The following RBFOX1 variants were observed in gnomAD, a reference collection of about 807,000 sequenced individuals.
The protein encoded by RBFOX1 is RNA binding protein fox-1 homolog 1.
RBFOX1 carries 8 observed loss-of-function variants against 57.7 expected under a neutral mutation model. The ratio of observed to expected loss-of-function variants is 0.14; its 90% CI spans 0.08 to 0.25. The LOEUF (loss-of-function observed/expected upper bound fraction) is 0.25, where lower values mean the gene tolerates loss of function less well. RBFOX1 is among the 10% of genes least tolerant of loss of function. The pLI is 1.00. For missense variants in RBFOX1, 611 were observed against 548.5 expected (o/e 1.11, Z -1.14); for synonymous variants, 326 against 222.4 (o/e 1.47, Z -4.15).
At chr16:7,194,917 G>A (rs1330572465) in intron 4 of RBFOX1, among the ~76,000 whole-genome samples, 6 of 98,148 alleles carry the variant, frequency 6.1e-5, no homozygotes, top group African/African-American at 2.7e-4. Flanking sequence ...TACAAAATGA[G>A]ACCCTGTTTC....
intron 4 of RBFOX1, among the ~76,000 whole-genome samples, chr16:7,135,929 G>C (rs1056763486): frequency 6.6e-6 from 1 of 152,178 alleles, no homozygotes; most frequent in African/African-American, 2.4e-5. Flanking sequence ...ATTGTCTTTG[G>C]AGTTGCCATT....
At chr16:6,838,650 C>G (rs776204034) in intron 3 of RBFOX1, among the ~76,000 whole-genome samples, 1 of 152,174 alleles carries the variant, frequency 6.6e-6, no homozygotes, top group Non-Finnish European at 1.5e-5. Flanking sequence ...ACTGGTTTGT[C>G]CTAGAATTCT....
intron 2 of RBFOX1, among the ~76,000 whole-genome samples, chr16:6,459,088 C>G (rs1036987070): frequency 6.6e-6 from 1 of 152,238 alleles, no homozygotes; most frequent in Non-Finnish European, 1.5e-5. Context: ...GTAATCCCAG[C>G]ACTTTGGGAG....
chr16:6,590,755 G>C (rs1489123698), intron 2 of RBFOX1, among the ~76,000 whole-genome samples: 1 of 152,204 alleles, frequency 6.6e-6, no homozygotes, highest in Non-Finnish European at 1.5e-5. Flanking sequence ...AGCTGTCCGT[G>C]AAGGGTGTTG....
intron 1 of RBFOX1, among the ~76,000 whole-genome samples, chr16:5,271,554 A>G (rs2063008429): frequency 6.6e-6 from 1 of 152,244 alleles, no homozygotes; most frequent in Admixed American, 6.5e-5. Context: ...CGCAGGTTCA[A>G]GCTTAAGGAG....
chr16:6,435,146 A>G (rs970089154), intron 2 of RBFOX1, among the ~76,000 whole-genome samples: 3 of 152,236 alleles, frequency 2.0e-5, no homozygotes, highest in Admixed American at 1.3e-4. Context: ...TTTGCTTGCC[A>G]TCACTTTTTC....
chr16:6,976,663 GATAT>G (rs1210826162), intron 3 of RBFOX1, among the ~76,000 whole-genome samples: 1 of 148,644 alleles, frequency 6.7e-6, no homozygotes, highest in Non-Finnish European at 1.5e-5. Flanking sequence ...ATATATATAT[GATAT>G]ATATATCATA....
intron 13 of RBFOX1, among the ~76,000 whole-genome samples, chr16:7,674,537 C>G (rs764490160): frequency 6.6e-6 from 1 of 152,168 alleles, no homozygotes; most frequent in South Asian, 2.1e-4. Flanking sequence ...GATCTTAACC[C>G]TGGAATCAGG....
chr16:6,952,994 T>C (rs1012352357), intron 3 of RBFOX1, among the ~76,000 whole-genome samples: 15 of 152,096 alleles, frequency 9.9e-5, no homozygotes, highest in African/African-American at 2.9e-4. Context: ...AAAATTGTCA[T>C]TGTTTGAACT....
At chr16:5,379,419 G>A (rs1218081147) in intron 1 of RBFOX1, among the ~76,000 whole-genome samples, 1 of 147,776 alleles carries the variant, frequency 6.8e-6, no homozygotes, top group Non-Finnish European at 1.5e-5. Context: ...CCTACCTGGG[G>A]TGGAGAGCTG....
intron 3 of RBFOX1, among the ~76,000 whole-genome samples, chr16:5,792,090 G>T (rs4322667): frequency 0.23 from 35,691 of 152,086 alleles, 4,988 homozygotes; most frequent in East Asian, 0.54. Flanking sequence ...GATGATTTCT[G>T]ATTCCCTTAA....
At chr16:7,316,388 C>T (rs761665538) in intron 4 of RBFOX1, among the ~76,000 whole-genome samples, 4 of 152,320 alleles carry the variant, frequency 2.6e-5, no homozygotes, top group African/African-American at 7.2e-5. Flanking sequence ...TCATCTCTTG[C>T]AAGGCATGTG....
chr16:6,901,544 G>A (rs534803208), intron 3 of RBFOX1, among the ~76,000 whole-genome samples: 5 of 152,164 alleles, frequency 3.3e-5, no homozygotes, highest in African/African-American at 9.7e-5. Context: ...ATCCAGAGAA[G>A]ATTTTTGTTT....
intron 3 of RBFOX1, among the ~76,000 whole-genome samples, chr16:6,767,111 G>A (rs144941708): frequency 1.3e-5 from 2 of 151,884 alleles, no homozygotes; most frequent in African/African-American, 4.8e-5. Flanking sequence ...TTTTTCTTAG[G>A]GGACCACCTC....
At chr16:5,797,267 T>G (rs947793430) in intron 3 of RBFOX1, among the ~76,000 whole-genome samples, 10 of 152,332 alleles carry the variant, frequency 6.6e-5, no homozygotes, top group African/African-American at 2.4e-4. Context: ...AGACTGGATT[T>G]GCATCAATGG....
intron 4 of RBFOX1, among the ~76,000 whole-genome samples, chr16:5,874,919 C>G (rs1050423530): frequency 6.6e-6 from 1 of 152,066 alleles, no homozygotes; most frequent in Non-Finnish European, 1.5e-5. Context: ...GGACCCCTGT[C>G]TTGGTGACAG....
intron 1 of RBFOX1, among the ~76,000 whole-genome samples, chr16:6,194,349 A>T (rs962545978): frequency 6.6e-6 from 1 of 151,904 alleles, no homozygotes; most frequent in Non-Finnish European, 1.5e-5. Flanking sequence ...TTCCCCTTCA[A>T]ATCCCTCATG....
intron 4 of RBFOX1, among the ~76,000 whole-genome samples, chr16:5,893,385 T>C (rs2058089508): frequency 1.3e-5 from 2 of 152,190 alleles, no homozygotes; most frequent in Admixed American, 1.3e-4. Flanking sequence ...AAAAACAATA[T>C]AGTTGTACGT....
At chr16:7,044,899 A>G (rs55752236) in intron 3 of RBFOX1, among the ~76,000 whole-genome samples, 19,183 of 151,974 alleles carry the variant, frequency 0.13, 2,104 homozygotes, top group East Asian at 0.29. Context: ...TTATGGAGAA[A>G]ATTTTTTAAG....
Sources: gnomAD v4.1 joint callset for allele counts (sites outside exome capture counted in the v4.1 genomes callset) on GRCh38, gnomAD v4.1.1 for gene constraint, MANE v1.5 for transcripts, NCBI Gene and HGNC (gene_info 2026-07-23, HGNC 2026-07-21) for gene names.